Variants in LRBA observed in about 807,000 individuals in gnomAD.
The protein encoded by LRBA is lipopolysaccharide-responsive and beige-like anchor protein.
LRBA carries 176 observed loss-of-function variants against 330.0 expected under a neutral mutation model. The observed-to-expected ratio is 0.53, with a 90% CI of 0.47 to 0.60. The LOEUF is 0.60. Ranked by LOEUF, LRBA falls within the 20% of genes least tolerant of loss-of-function variation. The pLI, the probability that LRBA is intolerant of heterozygous loss-of-function variation, is 0.00. For missense variants in LRBA, 3,259 were observed against 3,444.8 expected (o/e 0.95, Z 1.35); for synonymous variants, 1,230 against 1,193.0 (o/e 1.03, Z -0.64).
chr4:150,773,469 C>T (rs1736850580), intron 34 of LRBA, among the ~76,000 whole-genome samples: 1 of 152,220 alleles, frequency 6.6e-6, no homozygotes, highest in Non-Finnish European at 1.5e-5. Flanking sequence ...CTTGGAGTTA[C>T]CACCTGGTTA....
At chr4:151,006,408 T>G in intron 2 of LRBA, among the ~76,000 whole-genome samples, 1 of 152,070 alleles carries the variant, frequency 6.6e-6, no homozygotes, top group East Asian at 1.9e-4. Context: ...TTTTAAAAAT[T>G]AAGACATTTC....
At chr4:150,652,308 C>T (rs1779782489) in intron 37 of LRBA, among the ~76,000 whole-genome samples, 1 of 152,098 alleles carries the variant, frequency 6.6e-6, no homozygotes. Flanking sequence ...ATAAAATGTG[C>T]CTGTTGAGGT....
chr4:150,492,352 T>C (rs796363099), intron 40 of LRBA, among the ~76,000 whole-genome samples: 8 of 152,248 alleles, frequency 5.3e-5, no homozygotes, highest in African/African-American at 1.4e-4. Context: ...AAGATAATCA[T>C]GCGTGCAGTT....
intron 39 of LRBA, among the ~76,000 whole-genome samples, chr4:150,589,865 C>T (rs1772591146): frequency 6.6e-6 from 1 of 152,194 alleles, no homozygotes; most frequent in Admixed American, 6.5e-5. Flanking sequence ...TTACTCTCCA[C>T]TCCCACCAAT....
chr4:150,400,804 A>T (rs1745359316), intron 47 of LRBA, among the ~76,000 whole-genome samples: 1 of 152,124 alleles, frequency 6.6e-6, no homozygotes, highest in South Asian at 2.1e-4. Context: ...CAGCCACTGC[A>T]CTCCAGCCTG....
intron 14 of LRBA, 23 bp from the exon 15 acceptor site, chr4:150,897,841 C>T (rs766512758): frequency 2.7e-6 from 4 of 1,500,462 alleles, no homozygotes; most frequent in Non-Finnish European, 3.7e-6. Context: ...TATACACATA[C>T]ACATTTAGTA....
intron 48 of LRBA, among the ~76,000 whole-genome samples, chr4:150,346,757 C>CCAAAAAAAAAAAAAAAAAAAAAAA (rs1206950764): frequency 9.1e-5 from 6 of 66,136 alleles, no homozygotes; most frequent in African/African-American, 4.7e-4. Flanking sequence ...GACTCTGTCT[C>CCAAAAAAAAAAAAAAAAAAAAAAA]AAAAAAAAAA....
At chr4:151,002,854 C>T (rs1055897124) in intron 2 of LRBA, among the ~76,000 whole-genome samples, 11 of 151,456 alleles carry the variant, frequency 7.3e-5, no homozygotes, top group African/African-American at 2.4e-4. Context: ...ATGGCAACTA[C>T]CCCCAAAAAA....
intron 47 of LRBA, among the ~76,000 whole-genome samples, chr4:150,410,009 T>C: frequency 6.6e-6 from 1 of 152,078 alleles, no homozygotes; most frequent in Admixed American, 6.6e-5. Context: ...CTTGGCCACA[T>C]CATTATCAAT....
chr4:150,506,728 G>A (rs867304719), intron 40 of LRBA, among the ~76,000 whole-genome samples: 1 of 152,170 alleles, frequency 6.6e-6, no homozygotes, highest in Non-Finnish European at 1.5e-5. Flanking sequence ...TTCTGGCCAG[G>A]GCAATCCGTC....
At chr4:150,612,377 T>C (rs764183139) in intron 37 of LRBA, among the ~76,000 whole-genome samples, 2 of 152,140 alleles carry the variant, frequency 1.3e-5, no homozygotes, top group East Asian at 3.9e-4. Context: ...AAAATATATA[T>C]ACTGTACTTT....
intron 2 of LRBA, among the ~76,000 whole-genome samples, chr4:151,008,077 T>C (rs1744325747): frequency 6.6e-6 from 1 of 151,910 alleles, no homozygotes; most frequent in Non-Finnish European, 1.5e-5. Context: ...AGAAGTTTTT[T>C]TCTTTTTTTT....
intron 42 of LRBA, among the ~76,000 whole-genome samples, chr4:150,482,680 T>C (rs549198442): frequency 6.6e-6 from 1 of 152,244 alleles, no homozygotes; most frequent in African/African-American, 2.4e-5. Context: ...AGTTGCCTTG[T>C]ATACTGCTCT....
intron 44 of LRBA, among the ~76,000 whole-genome samples, chr4:150,458,043 T>C (rs1754306397): frequency 6.6e-6 from 1 of 151,912 alleles, no homozygotes; most frequent in Admixed American, 6.6e-5. Context: ...TGCTTCAGTT[T>C]ATCATTTTCT....
chr4:150,283,871 C>T (rs1025224648), intron 54 of LRBA, among the ~76,000 whole-genome samples: 4 of 152,186 alleles, frequency 2.6e-5, no homozygotes, highest in African/African-American at 4.8e-5. Flanking sequence ...CAAAATATGT[C>T]GATGACTGCT....
In LRBA at chr4:150,481,616, G is replaced by A. The variant is rs533097208; in HGVS notation, c.6551+6116C>T. Among the ~76,000 whole-genome samples, 6 of 152,062 alleles carry A rather than the reference G, an allele frequency of 3.9e-5. No homozygotes were observed. In the East Asian group the frequency reaches 7.7e-4, roughly 20 times the overall value. ...CCAATAATCTGCTTTCTGTCATTGT[G>A]TAGTTTTGCTTTTTCAGTAATTTCA... On this transcript the variant is annotated intron_variant, in intron 42 of 56. Coordinates refer to ENST00000651943, the MANE Select transcript of LRBA (RefSeq NM_001364905.1).
intron 36 of LRBA, among the ~76,000 whole-genome samples, chr4:150,708,496 T>G (rs1346763483): frequency 6.6e-6 from 1 of 151,826 alleles, no homozygotes; most frequent in Non-Finnish European, 1.5e-5. Flanking sequence ...AATAAAAGAC[T>G]TAATGAATAA....
chr4:150,485,486 T>G (rs966694093), intron 42 of LRBA, among the ~76,000 whole-genome samples: 2 of 151,912 alleles, frequency 1.3e-5, no homozygotes, highest in African/African-American at 4.8e-5. Flanking sequence ...GAGAGAATAT[T>G]TTCAAGTTAA....
At chr4:150,591,275 G>A (rs1200245893) in intron 38 of LRBA, among the ~76,000 whole-genome samples, 1 of 152,154 alleles carries the variant, frequency 6.6e-6, no homozygotes, top group Non-Finnish European at 1.5e-5. Context: ...CAAACATTTT[G>A]GAATGGTTGA....
Sources: allele counts gnomAD v4.1 joint callset (sites outside exome capture counted in the v4.1 genomes callset), GRCh38; gene constraint gnomAD v4.1.1; transcripts MANE v1.5; gene names NCBI Gene and HGNC (gene_info 2026-07-23, HGNC 2026-07-21).